The following CLSTN2 variants were observed in gnomAD, a reference collection of about 807,000 sequenced individuals.
CLSTN2 encodes the protein calsyntenin 2.
A neutral mutation model predicts 101.2 loss-of-function variants in CLSTN2; 48 were observed. The ratio of observed to expected loss-of-function variants is 0.47; its 90% CI spans 0.38 to 0.60. CLSTN2 has a LOEUF of 0.60. Among genes scored for constraint, CLSTN2 ranks in the 20% least tolerant of loss-of-function variants. The probability of loss-of-function intolerance (pLI) is 0.00; values close to 1 mark genes in which losing one functional copy is unlikely to be tolerated. For missense variants in CLSTN2, 1,160 were observed against 1,238.2 expected, an observed-to-expected ratio of 0.94 and a Z score of 0.95; for synonymous variants, 481 against 463.6, an observed-to-expected ratio of 1.04 and a Z score of -0.48.
chr3:140,260,493 TGG>T, intron 2 of CLSTN2, among the ~76,000 whole-genome samples: 1 of 152,106 alleles, frequency 6.6e-6, no homozygotes, highest in South Asian at 2.1e-4. Flanking sequence ...AAAAGTTATA[TGG>T]TTTTTATTTT....
chr3:140,270,437 C>G (rs4129684), intron 2 of CLSTN2, among the ~76,000 whole-genome samples: 4,941 of 152,228 alleles, frequency 0.032, 258 homozygotes, highest in African/African-American at 0.11. Context: ...GAGACAGGGT[C>G]CCTGGTTGGG....
chr3:140,397,163 T>G (rs1250675940), intron 2 of CLSTN2, among the ~76,000 whole-genome samples: 1 of 152,176 alleles, frequency 6.6e-6, no homozygotes, highest in Non-Finnish European at 1.5e-5. Context: ...TGCCATTGTT[T>G]ACATTTTTGC....
At chr3:139,953,772 T>G (rs1488142180) in intron 1 of CLSTN2, among the ~76,000 whole-genome samples, 1 of 152,174 alleles carries the variant, frequency 6.6e-6, no homozygotes, top group African/African-American at 2.4e-5. Flanking sequence ...TTTACTGGCT[T>G]TCTTCCCTTC....
At chr3:140,233,524 G>T (rs532671683) in intron 2 of CLSTN2, among the ~76,000 whole-genome samples, 1 of 152,296 alleles carries the variant, frequency 6.6e-6, no homozygotes, top group Admixed American at 6.5e-5. Flanking sequence ...CTGCCATATA[G>T]TAGTCATTCA....
At chr3:140,502,660 G>A (rs1200534817) in intron 8 of CLSTN2, among the ~76,000 whole-genome samples, 1 of 152,192 alleles carries the variant, frequency 6.6e-6, no homozygotes, top group African/African-American at 2.4e-5. Flanking sequence ...CAGGGGATGG[G>A]GTGCAGTGGA....
intron 9 of CLSTN2, among the ~76,000 whole-genome samples, chr3:140,540,305 A>G (rs1935447892): frequency 6.6e-6 from 1 of 152,200 alleles, no homozygotes; most frequent in African/African-American, 2.4e-5. Context: ...AGGGTTGAGA[A>G]AGCCTGCTGG....
chr3:140,114,895 T>C (rs1373773799), intron 1 of CLSTN2, among the ~76,000 whole-genome samples: 3 of 152,188 alleles, frequency 2.0e-5, no homozygotes, highest in Non-Finnish European at 4.4e-5. Context: ...TGATGTGGCT[T>C]TTCTAGGAGC....
At chr3:140,243,888 G>A (rs947554783) in intron 2 of CLSTN2, among the ~76,000 whole-genome samples, 2 of 152,188 alleles carry the variant, frequency 1.3e-5, no homozygotes, top group Admixed American at 1.3e-4. Flanking sequence ...GGCCAAGAGA[G>A]ATGCTCCACA....
chr3:140,466,828 C>T, intron 8 of CLSTN2, 97 bp downstream of exon 8: 2 of 1,517,204 alleles, frequency 1.3e-6, no homozygotes, highest in Non-Finnish European at 1.8e-6. Flanking sequence ...CTGCAAGGTC[C>T]TGACCACTTG....
intron 4 of CLSTN2, among the ~76,000 whole-genome samples, chr3:140,419,956 G>A (rs1162255805): frequency 4.1e-5 from 6 of 147,336 alleles, no homozygotes; most frequent in African/African-American, 5.1e-5. Flanking sequence ...ACAGTGTTGC[G>A]ATCTCTGCTC....
At chr3:140,010,644 C>A (rs570105357) in intron 1 of CLSTN2, among the ~76,000 whole-genome samples, 1 of 152,268 alleles carries the variant, frequency 6.6e-6, no homozygotes, top group East Asian at 1.9e-4. Context: ...GTCCTCTGGA[C>A]ACTGCATCCC....
At chr3:140,359,728 A>G (rs535926348) in intron 2 of CLSTN2, among the ~76,000 whole-genome samples, 7 of 152,268 alleles carry the variant, frequency 4.6e-5, no homozygotes, top group Middle Eastern at 3.4e-3. Context: ...TTAAAGGAAG[A>G]TAATAATATC....
intron 2 of CLSTN2, among the ~76,000 whole-genome samples, chr3:140,209,460 G>A (rs2010828087): frequency 6.6e-6 from 1 of 152,160 alleles, no homozygotes; most frequent in South Asian, 2.1e-4. Flanking sequence ...CTGCGAGATA[G>A]CACTCTCCTC....
At chr3:140,404,454 C>T in intron 3 of CLSTN2, 104 bp from the exon 4 acceptor site, 1 of 983,756 alleles carries the variant, frequency 1.0e-6, no homozygotes, top group South Asian at 1.5e-5. Flanking sequence ...ATGGTTTCTC[C>T]TTTCACTTGG....
intron 2 of CLSTN2, among the ~76,000 whole-genome samples, chr3:140,299,743 T>A (rs866860908): frequency 6.6e-6 from 1 of 152,244 alleles, no homozygotes; most frequent in South Asian, 2.1e-4. Flanking sequence ...CATAGACCAT[T>A]GCCCAAAGTT....
intron 1 of CLSTN2, among the ~76,000 whole-genome samples, chr3:139,970,614 A>G (rs1326201794): frequency 6.6e-6 from 1 of 152,136 alleles, no homozygotes; most frequent in Non-Finnish European, 1.5e-5. Context: ...TGACCTGTAA[A>G]TGGCTTTGCG....
chr3:140,242,544 A>G (rs568419600), intron 2 of CLSTN2, among the ~76,000 whole-genome samples: 1 of 152,276 alleles, frequency 6.6e-6, no homozygotes, highest in East Asian at 1.9e-4. Context: ...AACATTTTCC[A>G]AAATAAGACA....
chr3:140,399,038 A>G (rs2088213443), intron 2 of CLSTN2, among the ~76,000 whole-genome samples: 1 of 152,224 alleles, frequency 6.6e-6, no homozygotes, highest in Admixed American at 6.5e-5. Context: ...CTTGGCCCAC[A>G]GCCCATGTGA....
At chr3:140,076,653 T>TTTTTTTTTC (rs1491412394) in intron 1 of CLSTN2, among the ~76,000 whole-genome samples, 7 of 107,606 alleles carry the variant, frequency 6.5e-5, no homozygotes, top group African/African-American at 1.9e-4. Flanking sequence ...TTTTTTTTTT[T>TTTTTTTTTC]CCTAGCCTTC....
Sources: allele counts gnomAD v4.1 joint callset (sites outside exome capture counted in the v4.1 genomes callset), GRCh38; gene constraint gnomAD v4.1.1; transcripts MANE v1.5; gene names NCBI Gene and HGNC (gene_info 2026-07-23, HGNC 2026-07-21).